The following IGF2BP3 variants were observed in gnomAD, a reference collection of about 807,000 sequenced individuals.
IGF2BP3 encodes the protein insulin-like growth factor 2 mRNA-binding protein 3.
In IGF2BP3, 9 loss-of-function variants were observed where a neutral mutation model predicts 73.8. The observed-to-expected ratio is 0.12, with a 90% confidence interval of 0.07 to 0.21. The LOEUF (loss-of-function observed/expected upper bound fraction) is 0.21. Among genes scored for constraint, IGF2BP3 ranks in the 10% least tolerant of loss-of-function variants. The pLI is 1.00. For synonymous variants in IGF2BP3, 258 were observed against 256.7 expected (o/e 1.01, Z -0.05); for missense variants, 542 against 714.0 (o/e 0.76, Z 2.75).
In IGF2BP3 at chr7:23,310,869, A is replaced by G. The variant is rs1380723044; in HGVS notation, c.*1493T>C. On this transcript the variant is annotated 3_prime_UTR_variant, in exon 15 of 15. Transcript: ENST00000258729. ...GATCATCTTACAAACAAAACTCAAA[A>G]AATCAATTCAGAGAGCAGCGTGGCC... The G allele has an allele frequency of 6.6e-6, 1 of 152,130 alleles. No individual in the cohort carries two copies. Among genetic ancestry groups the G allele is most frequent in the African/African-American group, 2.4e-5 (1 of 41,398 alleles). 9.4% of individuals were successfully genotyped at this position (152,130 alleles called of 1,614,324 possible).
intron 3 of IGF2BP3, among the ~76,000 whole-genome samples, chr7:23,375,921 C>T (rs1278123175): frequency 1.3e-5 from 2 of 152,228 alleles, no homozygotes; most frequent in South Asian, 2.1e-4. Context: ...TAATAAAATT[C>T]CTAAACTAGT....
intron 2 of IGF2BP3, among the ~76,000 whole-genome samples, chr7:23,420,319 T>A (rs1045304113): frequency 4.6e-5 from 7 of 151,982 alleles, no homozygotes; most frequent in Admixed American, 2.0e-4. Flanking sequence ...CTTTTTAAAA[T>A]TTTTTTAAAC....
intron 3 of IGF2BP3, among the ~76,000 whole-genome samples, chr7:23,399,249 G>A (rs1387429614): frequency 2.0e-5 from 3 of 152,010 alleles, no homozygotes; most frequent in African/African-American, 7.2e-5. Context: ...TGAGGGCTCT[G>A]TTCTGTTCCA....
chr7:23,313,366 C>T (rs985369021), intron 13 of IGF2BP3, among the ~76,000 whole-genome samples, 156 bp downstream of exon 13: 3 of 152,214 alleles, frequency 2.0e-5, no homozygotes, highest in Admixed American at 6.5e-5. Flanking sequence ...CTGGCACCAA[C>T]ACTCAGACAG....
intron 2 of IGF2BP3, among the ~76,000 whole-genome samples, chr7:23,433,022 T>C (rs1299535842): frequency 2.6e-5 from 4 of 152,186 alleles, no homozygotes; most frequent in African/African-American, 9.7e-5. Flanking sequence ...AATAAAAGCC[T>C]CACTGCCTGT....
rs1490318664 is a variant in IGF2BP3 at position 23,470,141 on chromosome 7, C to T, written c.-31G>A. The T allele has an allele frequency of 1.9e-6, 3 of 1,551,664 alleles. No homozygotes were observed. Among genetic ancestry groups the T allele is most frequent in the Non-Finnish European group, 2.6e-6 (3 of 1,148,100 alleles). ...AGAGTGGTTGTTTAAAAAAAAATAA[C>T]GAGAAAAAACGAAAAATTAAAACCA... On this transcript the variant is annotated 5_prime_UTR_variant, in exon 1 of 15. Coordinates refer to ENST00000258729, the MANE Select transcript of IGF2BP3 (RefSeq NM_006547.3).
intron 3 of IGF2BP3, among the ~76,000 whole-genome samples, chr7:23,391,705 G>A (rs1786282639): frequency 6.6e-6 from 1 of 152,158 alleles, no homozygotes; most frequent in South Asian, 2.1e-4. Flanking sequence ...CCAAAAGATT[G>A]CAAATGAAAA....
In IGF2BP3 at chr7:23,312,269, TGATTCTG is replaced by T; in HGVS notation, c.*86_*92del. ...CTGGCTAGGTAAAAACTTGTGCATG[TGATTCTG>T]GATAGGGGGTCAGCGCCCATCTGTT... is the stretch of plus-strand genomic sequence containing the variant. On this transcript the variant is annotated 3_prime_UTR_variant, in exon 15 of 15. Transcript: ENST00000258729. 1 of 921,618 alleles carries T rather than the reference TGATTCTG, an allele frequency of 1.1e-6. No individual in the cohort carries two copies. The highest frequency in any genetic ancestry group is 1.4e-5 in the South Asian group (1 of 70,900). 57.1% of individuals were successfully genotyped at this position (921,618 alleles called of 1,614,324 possible).
At chr7:23,391,262 G>C (rs1413155173) in intron 3 of IGF2BP3, among the ~76,000 whole-genome samples, 1 of 151,912 alleles carries the variant, frequency 6.6e-6, no homozygotes, top group Non-Finnish European at 1.5e-5. Flanking sequence ...ACTACACCCA[G>C]CTAATTTTTA....
chr7:23,468,711 G>C (rs1484549583), intron 1 of IGF2BP3, among the ~76,000 whole-genome samples, 169 bp from the exon 2 acceptor site: 2 of 152,230 alleles, frequency 1.3e-5, no homozygotes, highest in Non-Finnish European at 2.9e-5. Context: ...CTCGAGCGGC[G>C]TGGGCATTTA....
At position 23,319,245 on chromosome 7, in the gene IGF2BP3, T is replaced by C. The variant is rs1038589927; in HGVS notation, c.1213A>G (p.Thr405Ala). Residue 405 changes from threonine to alanine, a missense_variant, in exon 11 of 15, where the codon ACG (threonine) becomes GCG (alanine). Coordinates refer to ENST00000258729, the MANE Select transcript of IGF2BP3 (RefSeq NM_006547.3). Reference sequence around the variant, plus strand: ...GGGATAAACAGATGAACAGTCTCCGTTTCTGATTGCTGTTAGAAAAGAAAG... The same window carrying C: ...GGGATAAACAGATGAACAGTCTCCGCTTCTGATTGCTGTTAGAAAAGAAAG... ...PPYPQFEQSETETVHLFIPAL... is the reference protein window; with the variant it reads ...PPYPQFEQSEAETVHLFIPAL... 1.2e-6 allele frequency: 2 copies of C among 1,604,224 alleles called. No homozygotes were observed. The highest frequency in any genetic ancestry group is 1.7e-5 in the Admixed American group (1 of 58,098).
At chr7:23,468,399 G>A (rs1290532830) in intron 2 of IGF2BP3, 83 bp downstream of exon 2, 7 of 1,411,610 alleles carry the variant, frequency 5.0e-6, no homozygotes, top group South Asian at 1.2e-5. Context: ...GTAAGCACCA[G>A]AGGACAAGAA....
chr7:23,355,244 CAG>C (rs1378518528), intron 5 of IGF2BP3, among the ~76,000 whole-genome samples: 6 of 147,082 alleles, frequency 4.1e-5, no homozygotes, highest in Admixed American at 3.4e-4. Context: ...TTTTTTGAGA[CAG>C]AGTCTCACTT....
In IGF2BP3 at chr7:23,330,018, G is replaced by A. The variant is rs182570986; in HGVS notation, c.1204-10764C>T. Among the ~76,000 whole-genome samples, 238 of 152,234 alleles carry A rather than the reference G, an allele frequency of 1.6e-3. 1 individual carries two copies. Among genetic ancestry groups the A allele is most frequent in the African/African-American group, 5.5e-3 (228 of 41,540 alleles). On this transcript the variant is annotated intron_variant, in intron 10 of 14. Coordinates refer to ENST00000258729, the MANE Select transcript of IGF2BP3 (RefSeq NM_006547.3). ...ACAGCCAGAGCTGCCAGGCACGGTG[G>A]CTCACGCCTGTAATCCCAGCACTTT...
At chr7:23,317,565 A>T in intron 12 of IGF2BP3, 74 bp downstream of exon 12, 2 of 1,076,526 alleles carry the variant, frequency 1.9e-6, no homozygotes, top group Non-Finnish European at 2.9e-6. Context: ...AGACATATTT[A>T]AGGGAGACGC....
chr7:23,461,630 A>T (rs1001609020), intron 2 of IGF2BP3, among the ~76,000 whole-genome samples: 1 of 152,188 alleles, frequency 6.6e-6, no homozygotes, highest in Non-Finnish European at 1.5e-5. Flanking sequence ...TTACAGCTAT[A>T]CAGAGAATAG....
In IGF2BP3 at chr7:23,456,034, T is replaced by C. The variant is rs1168482197; in HGVS notation, c.236+12448A>G. Among the ~76,000 whole-genome samples the C allele has an allele frequency of 2.0e-5, 3 of 152,142 alleles. 1 individual carries two copies. The highest frequency in any genetic ancestry group is 7.2e-5 in the African/African-American group (3 of 41,428). On this transcript the variant is annotated intron_variant, in intron 2 of 14. Coordinates refer to ENST00000258729, the MANE Select transcript of IGF2BP3 (RefSeq NM_006547.3). ...CTGAAACCTAGCATAGAATCAACTATGAGCACAGGCACTTAATCTATGCTT... is the reference window on the plus strand; with the variant it reads ...CTGAAACCTAGCATAGAATCAACTACGAGCACAGGCACTTAATCTATGCTT...
chr7:23,463,921 G>C (rs367624079), intron 2 of IGF2BP3, among the ~76,000 whole-genome samples: 1 of 152,170 alleles, frequency 6.6e-6, no homozygotes, highest in African/African-American at 2.4e-5. Context: ...AGATAACCTA[G>C]TTTATAATTA....
chr7:23,448,519 C>G (rs572852065), intron 2 of IGF2BP3, among the ~76,000 whole-genome samples: 11 of 152,280 alleles, frequency 7.2e-5, no homozygotes, highest in Non-Finnish European at 1.6e-4. Flanking sequence ...CTTCCCACCT[C>G]AGCCTCCCAA....
Sources: gnomAD v4.1 joint callset for allele counts (sites outside exome capture counted in the v4.1 genomes callset) on GRCh38, gnomAD v4.1.1 for gene constraint, MANE v1.5 for transcripts, NCBI Gene and HGNC (gene_info 2026-07-23, HGNC 2026-07-21) for gene names.